The following GNAQ variants were observed in gnomAD, a reference collection of about 807,000 sequenced individuals.
The protein encoded by GNAQ is G protein subunit alpha q, also known as guanine nucleotide-binding protein G(q) subunit alpha.
Under a neutral mutation model 43.9 loss-of-function variants are expected in GNAQ, and 8 were observed. That is an observed-to-expected ratio of 0.18 (90% CI 0.11 to 0.33). The LOEUF is 0.33. GNAQ is among the 10% of genes least tolerant of loss of function. The probability of loss-of-function intolerance (pLI) is 1.00; values close to 1 mark genes in which losing one functional copy is unlikely to be tolerated. For synonymous variants in GNAQ, 155 were observed against 170.7 expected (o/e 0.91, Z 0.71); for missense variants, 158 against 450.8 (o/e 0.35, Z 5.88).
intron 2 of GNAQ, among the ~76,000 whole-genome samples, chr9:77,887,480 C>T (rs956461856): frequency 6.6e-6 from 1 of 152,174 alleles, no homozygotes; most frequent in Non-Finnish European, 1.5e-5. Flanking sequence ...TATTTGCTTG[C>T]TTTACTCCAT....
intron 2 of GNAQ, among the ~76,000 whole-genome samples, chr9:77,869,636 T>C (rs928200582): frequency 2.0e-5 from 3 of 152,214 alleles, no homozygotes; most frequent in East Asian, 1.9e-4. Context: ...CAAATGCTTC[T>C]AGGATAAAAT....
At chr9:77,758,854 A>G (rs1431934354) in intron 5 of GNAQ, among the ~76,000 whole-genome samples, 1 of 152,186 alleles carries the variant, frequency 6.6e-6, no homozygotes, top group Non-Finnish European at 1.5e-5. Context: ...GTACAAATGT[A>G]CACAAATAAG....
intron 1 of GNAQ, among the ~76,000 whole-genome samples, chr9:77,976,371 TG>T (rs1823302084): frequency 6.6e-6 from 1 of 151,868 alleles, no homozygotes; most frequent in Non-Finnish European, 1.5e-5. Context: ...TTTTGTTTTT[TG>T]GTTTTTGGTT....
chr9:77,735,503 T>A (rs1825563622), intron 5 of GNAQ, among the ~76,000 whole-genome samples: 2 of 152,304 alleles, frequency 1.3e-5, no homozygotes, highest in Non-Finnish European at 2.9e-5. Context: ...CAAAGCTGTA[T>A]GAAAAAAAAT....
At chr9:77,987,541 G>C (rs553259020) in intron 1 of GNAQ, among the ~76,000 whole-genome samples, 1 of 152,002 alleles carries the variant, frequency 6.6e-6, no homozygotes, top group Non-Finnish European at 1.5e-5. Context: ...AATATCTCTC[G>C]GCAATCCACC....
At chr9:77,804,826 A>G (rs964240062) in intron 3 of GNAQ, among the ~76,000 whole-genome samples, 2 of 152,262 alleles carry the variant, frequency 1.3e-5, no homozygotes, top group African/African-American at 2.4e-5. Context: ...GATTCTGGGT[A>G]GGTCTTCACA....
chr9:77,909,245 A>T (rs577437700), intron 2 of GNAQ, among the ~76,000 whole-genome samples: 1 of 152,326 alleles, frequency 6.6e-6, no homozygotes, highest in African/African-American at 2.4e-5. Flanking sequence ...TTAATCCCCA[A>T]CTTTAGTGAG....
chr9:77,961,411 A>G (rs910126594), intron 1 of GNAQ, among the ~76,000 whole-genome samples: 1 of 152,154 alleles, frequency 6.6e-6, no homozygotes. Flanking sequence ...AGAATGCTGG[A>G]AAGGAAAGAG....
intron 2 of GNAQ, among the ~76,000 whole-genome samples, chr9:77,841,276 C>G (rs1335375848): frequency 6.6e-6 from 1 of 152,174 alleles, no homozygotes; most frequent in Non-Finnish European, 1.5e-5. Context: ...TGGTGAGAGG[C>G]TTGCAGTAAA....
intron 1 of GNAQ, among the ~76,000 whole-genome samples, chr9:78,027,472 A>C (rs1187970488): frequency 6.6e-6 from 1 of 152,212 alleles, no homozygotes; most frequent in African/African-American, 2.4e-5. Flanking sequence ...CAACAGGAAG[A>C]AAATCTGTGC....
chr9:77,767,084 G>A (rs1432164500), intron 5 of GNAQ, among the ~76,000 whole-genome samples: 1 of 151,964 alleles, frequency 6.6e-6, no homozygotes, highest in African/African-American at 2.4e-5. Flanking sequence ...ACTTTAAAAG[G>A]GTCTGTCATA....
chr9:78,014,762 G>A (rs1309782528), intron 1 of GNAQ, among the ~76,000 whole-genome samples: 2 of 152,064 alleles, frequency 1.3e-5, no homozygotes, highest in Admixed American at 6.5e-5. Context: ...AAGGTAATGC[G>A]GTAATGACAA....
At chr9:77,995,855 C>T (rs182554139) in intron 1 of GNAQ, among the ~76,000 whole-genome samples, 7 of 152,234 alleles carry the variant, frequency 4.6e-5, no homozygotes, top group Admixed American at 1.3e-4. Flanking sequence ...TTAGACACTT[C>T]AGTTTCATAA....
chr9:77,912,155 T>C (rs150522955), intron 2 of GNAQ, among the ~76,000 whole-genome samples: 153 of 152,292 alleles, frequency 1.0e-3, no homozygotes, highest in African/African-American at 3.2e-3. Context: ...TATTAAAACA[T>C]TGCAAAGCTC....
At chr9:77,835,949 C>T (rs1827376554) in intron 2 of GNAQ, among the ~76,000 whole-genome samples, 1 of 151,880 alleles carries the variant, frequency 6.6e-6, no homozygotes, top group African/African-American at 2.4e-5. Flanking sequence ...GGAATGTTTC[C>T]AAAAGTGACT....
At chr9:77,929,526 T>G (rs1338535546) in intron 1 of GNAQ, among the ~76,000 whole-genome samples, 2 of 152,192 alleles carry the variant, frequency 1.3e-5, no homozygotes, top group Non-Finnish European at 2.9e-5. Context: ...TTCCTGTTCT[T>G]GTTCTAAAAT....
intron 1 of GNAQ, among the ~76,000 whole-genome samples, chr9:77,958,098 AATAGT>A (rs1387611591): frequency 2.2e-4 from 34 of 152,362 alleles, no homozygotes; most frequent in Middle Eastern, 6.8e-3. Context: ...CATCTACAGG[AATAGT>A]AGAGTAGCTA....
intron 1 of GNAQ, among the ~76,000 whole-genome samples, chr9:78,023,213 G>A (rs960092640): frequency 6.6e-6 from 1 of 152,114 alleles, no homozygotes; most frequent in African/African-American, 2.4e-5. Context: ...TTTGCTTTAC[G>A]GACCAGAGTA....
intron 5 of GNAQ, among the ~76,000 whole-genome samples, chr9:77,735,437 C>T (rs1308089832): frequency 6.6e-6 from 1 of 152,166 alleles, no homozygotes; most frequent in Non-Finnish European, 1.5e-5. Context: ...GTATTTATCT[C>T]ATTTGTCTGT....
Sources: allele counts gnomAD v4.1 joint callset (sites outside exome capture counted in the v4.1 genomes callset), GRCh38; gene constraint gnomAD v4.1.1; transcripts MANE v1.5; gene names NCBI Gene and HGNC (gene_info 2026-07-23, HGNC 2026-07-21).